SLC30A8: variants seen among roughly 807,000 people sequenced by gnomAD.
SLC30A8 encodes solute carrier family 30 member 8, also known as proton-coupled zinc antiporter SLC30A8.
In SLC30A8, 27 loss-of-function variants were observed where a neutral mutation model predicts 36.9. The observed-to-expected ratio is 0.73, with a 90% CI of 0.54 to 1.01. The LOEUF (loss-of-function observed/expected upper bound fraction) is 1.01, where lower values mean the gene tolerates loss of function less well. Among genes scored for constraint, SLC30A8 ranks in the 50% least tolerant of loss-of-function variants. The probability of loss-of-function intolerance (pLI) is 0.00; values close to 1 mark genes in which losing one functional copy is unlikely to be tolerated. For missense variants in SLC30A8, 439 were observed against 452.0 expected, an observed-to-expected ratio of 0.97 and a Z score of 0.26; for synonymous variants, 164 against 172.4, an observed-to-expected ratio of 0.95 and a Z score of 0.38.
Position 117,173,885 on chromosome 8 carries a change from C to T in SLC30A8, c.*1204C>T, listed in dbSNP as rs1056520332. 2.6e-5 allele frequency: 4 copies of T among 152,052 alleles called. No homozygotes were observed. The highest frequency in any genetic ancestry group is 4.8e-5 in the African/African-American group (2 of 41,400). 9.4% of individuals were successfully genotyped at this position (152,052 alleles called of 1,614,324 possible). A position where few individuals can be genotyped will look rare whatever the true frequency, so the allele number is the denominator to read the frequency against. ...GATGTAGTGGGGTATAAAAGGAAAG[C>T]GATGGATATTGCCGGATGGGCATGG... On this transcript the variant is annotated 3_prime_UTR_variant, in exon 8 of 8. Transcript: ENST00000456015.
chr8:117,176,615 T>A lies in SLC30A8; in HGVS notation c.*3934T>A, dbSNP rs1823706656. ...GCGGTTTAGTTTTTTAACTTTCTGA[T>A]TTCACACTTAACGTCTGTCATTCTG... On this transcript the variant is annotated 3_prime_UTR_variant, in exon 8 of 8. Transcript: ENST00000456015. The A allele has an allele frequency of 6.6e-6, 1 of 152,512 alleles. No homozygotes were observed. Among genetic ancestry groups the A allele is most frequent in the Admixed American group, 6.6e-5 (1 of 15,240 alleles). 9.4% of individuals were successfully genotyped at this position (152,512 alleles called of 1,614,324 possible). A position where few individuals can be genotyped will look rare whatever the true frequency, so the allele number is the denominator to read the frequency against.
intron 3 of SLC30A8, among the ~76,000 whole-genome samples, chr8:117,154,251 C>T (rs1822356070): frequency 6.6e-6 from 1 of 151,968 alleles, no homozygotes; most frequent in Non-Finnish European, 1.5e-5. Context: ...CCTAACCCAC[C>T]CCCACAACCC....
intron 1 of SLC30A8, among the ~76,000 whole-genome samples, chr8:116,956,486 G>T (rs1357186221): frequency 6.6e-6 from 1 of 152,136 alleles, no homozygotes; most frequent in Non-Finnish European, 1.5e-5. Flanking sequence ...CTATACTATA[G>T]TAAAAACTTC....
chr8:117,118,700 C>T (rs551996538), intron 2 of SLC30A8, among the ~76,000 whole-genome samples: 169 of 151,914 alleles, frequency 1.1e-3, no homozygotes, highest in Non-Finnish European at 2.0e-3. Context: ...AATAGCCATT[C>T]CAAGTGTGTC....
chr8:117,019,977 C>G (rs1193384370), intron 1 of SLC30A8, among the ~76,000 whole-genome samples: 1 of 152,116 alleles, frequency 6.6e-6, no homozygotes, highest in Non-Finnish European at 1.5e-5. Context: ...ATTCTGAAGG[C>G]TAAGAGCTTA....
chr8:116,955,645 G>A (rs552879225), intron 1 of SLC30A8, among the ~76,000 whole-genome samples: 3 of 151,496 alleles, frequency 2.0e-5, no homozygotes, highest in East Asian at 1.9e-4. Flanking sequence ...CACGAGAATC[G>A]CTTGAACCTA....
chr8:117,087,245 A>G (rs928909618), intron 2 of SLC30A8, among the ~76,000 whole-genome samples: 3 of 152,196 alleles, frequency 2.0e-5, no homozygotes, highest in African/African-American at 7.2e-5. Context: ...TTAGTAGGAA[A>G]AGAGAAACCA....
chr8:117,007,976 T>G (rs1816235135), intron 1 of SLC30A8, among the ~76,000 whole-genome samples: 1 of 152,176 alleles, frequency 6.6e-6, no homozygotes, highest in African/African-American at 2.4e-5. Context: ...TGATATATGG[T>G]AATGGCTGTG....
At chr8:117,151,799 A>C (rs538983861) in intron 2 of SLC30A8, among the ~76,000 whole-genome samples, 1 of 152,344 alleles carries the variant, frequency 6.6e-6, no homozygotes, top group Admixed American at 6.5e-5. Flanking sequence ...CAAGTTTGGC[A>C]GATAGAGCAA....
chr8:117,128,999 G>A (rs1025730550), intron 2 of SLC30A8, among the ~76,000 whole-genome samples: 6 of 151,998 alleles, frequency 3.9e-5, no homozygotes, highest in Non-Finnish European at 8.8e-5. Flanking sequence ...CAGCAGTAAC[G>A]TTAGTTAAAA....
chr8:117,090,331 C>T (rs1166654156), intron 2 of SLC30A8, among the ~76,000 whole-genome samples: 1 of 151,926 alleles, frequency 6.6e-6, no homozygotes, highest in Non-Finnish European at 1.5e-5. Flanking sequence ...TTCATTTACT[C>T]ATTCATTTGT....
intron 2 of SLC30A8, among the ~76,000 whole-genome samples, chr8:117,047,465 A>G (rs1586439921): frequency 6.6e-6 from 1 of 152,332 alleles, no homozygotes; most frequent in East Asian, 1.9e-4. Flanking sequence ...GACCTGGTCC[A>G]GGAGGTTCAG....
intron 1 of SLC30A8, among the ~76,000 whole-genome samples, chr8:116,982,421 A>G (rs559547533): frequency 1.8e-4 from 27 of 152,322 alleles, no homozygotes; most frequent in African/African-American, 6.5e-4. Flanking sequence ...GATGGAAACA[A>G]CAGTGATATT....
intron 2 of SLC30A8, among the ~76,000 whole-genome samples, chr8:117,098,236 G>A (rs139975941): frequency 6.6e-6 from 1 of 151,324 alleles, no homozygotes; most frequent in Non-Finnish European, 1.5e-5. Flanking sequence ...ATTTTTCTAT[G>A]AATACATGCT....
chr8:117,127,260 T>C (rs373999507), intron 2 of SLC30A8, among the ~76,000 whole-genome samples: 8 of 152,210 alleles, frequency 5.3e-5, no homozygotes, highest in African/African-American at 1.9e-4. Flanking sequence ...GGGCAGCTCA[T>C]ACTTATAATT....
intron 1 of SLC30A8, among the ~76,000 whole-genome samples, chr8:116,979,170 C>T (rs1179037808): frequency 2.3e-5 from 3 of 130,254 alleles, no homozygotes; most frequent in Admixed American, 9.5e-5. Context: ...ACCTGGGAAG[C>T]GGAGGTTAAA....
At chr8:116,988,357 T>G (rs1383500703) in intron 1 of SLC30A8, among the ~76,000 whole-genome samples, 1 of 151,538 alleles carries the variant, frequency 6.6e-6, no homozygotes, top group African/African-American at 2.4e-5. Context: ...AGCTCAGGCC[T>G]TCTTCTTTCC....
At chr8:116,978,029 A>C (rs539735289) in intron 1 of SLC30A8, among the ~76,000 whole-genome samples, 27 of 152,170 alleles carry the variant, frequency 1.8e-4, no homozygotes, top group African/African-American at 2.4e-5. Context: ...TATCTTGCCA[A>C]CTTTGGTCAG....
At chr8:117,148,584 C>T (rs1822012672) in intron 2 of SLC30A8, among the ~76,000 whole-genome samples, 1 of 152,090 alleles carries the variant, frequency 6.6e-6, no homozygotes. Context: ...TTCAGTTTTC[C>T]CTCATCCAAT....
Sources: gnomAD v4.1 joint callset for allele counts (sites outside exome capture counted in the v4.1 genomes callset) on GRCh38, gnomAD v4.1.1 for gene constraint, MANE v1.5 for transcripts, NCBI Gene and HGNC (gene_info 2026-07-23, HGNC 2026-07-21) for gene names.